HDAC9: variants seen among roughly 807,000 people sequenced by gnomAD.
HDAC9 encodes the protein histone deacetylase 9, also known as MEF-2 interacting transcription repressor (MITR) protein.
In HDAC9, 41 loss-of-function variants were observed where a neutral mutation model predicts 139.4. The observed-to-expected ratio is 0.29, with a 90% confidence interval of 0.23 to 0.38. The LOEUF is 0.38. Ranked by LOEUF, HDAC9 falls within the 10% of genes least tolerant of loss-of-function variation. The pLI is 1.00. For synonymous variants in HDAC9, 517 were observed against 476.2 expected (o/e 1.09, Z -1.12); for missense variants, 1,147 against 1,297.0 (o/e 0.88, Z 1.78).
chr7:18,188,657 A>G (rs1045226893), intron 2 of HDAC9, among the ~76,000 whole-genome samples: 4 of 152,206 alleles, frequency 2.6e-5, no homozygotes, highest in South Asian at 4.1e-4. Flanking sequence ...CAAGAAAAAG[A>G]CAACCCTATC....
exon 1 of HDAC9, chr7:18,290,495 A>C (rs1483555814): frequency 4.4e-6 from 2 of 456,640 alleles, no homozygotes; most frequent in South Asian, 1.5e-5. Flanking sequence ...TTTGGCAAAG[A>C]GGGAATGCAC....
At chr7:18,660,776 T>C (rs1337175194) in intron 11 of HDAC9, among the ~76,000 whole-genome samples, 2 of 152,096 alleles carry the variant, frequency 1.3e-5, no homozygotes, top group Non-Finnish European at 2.9e-5. Flanking sequence ...GAACAAACTC[T>C]GCATGTTTTT....
At chr7:18,454,168 T>C (rs1226053698) in intron 1 of HDAC9, among the ~76,000 whole-genome samples, 1 of 152,150 alleles carries the variant, frequency 6.6e-6, no homozygotes, top group Non-Finnish European at 1.5e-5. Context: ...CCGATACATT[T>C]ATTAATCTTA....
chr7:18,621,632 T>C (rs1457349533), intron 6 of HDAC9, among the ~76,000 whole-genome samples: 1 of 152,148 alleles, frequency 6.6e-6, no homozygotes, highest in African/African-American at 2.4e-5. Context: ...ACTTTATATA[T>C]GAATTACATA....
intron 6 of HDAC9, among the ~76,000 whole-genome samples, chr7:18,594,511 G>T (rs1831919030): frequency 6.6e-6 from 1 of 152,028 alleles, no homozygotes; most frequent in East Asian, 1.9e-4. Context: ...GCTACCTTCT[G>T]AGTAAGTGAC....
intron 2 of HDAC9, among the ~76,000 whole-genome samples, chr7:18,255,383 T>C (rs1177924794): frequency 1.3e-5 from 2 of 152,138 alleles, no homozygotes; most frequent in Non-Finnish European, 2.9e-5. Context: ...TCATTGATTC[T>C]TGGAGAATGG....
chr7:18,874,327 G>A (rs1381038081), intron 21 of HDAC9, 151 bp from the exon 22 acceptor site: 3 of 453,876 alleles, frequency 6.6e-6, no homozygotes, highest in Non-Finnish European at 8.1e-6. Context: ...TTAAGGAAAT[G>A]ATACGCTTTT....
At chr7:18,543,378 C>G (rs186971789) in intron 2 of HDAC9, 1 of 152,258 alleles carries the variant, frequency 6.6e-6, no homozygotes, top group East Asian at 1.9e-4. Flanking sequence ...CTCAACAAGC[C>G]CTGCTGCTTC....
At chr7:18,115,795 G>T (rs1292992186) in intron 1 of HDAC9, among the ~76,000 whole-genome samples, 6 of 152,162 alleles carry the variant, frequency 3.9e-5, no homozygotes, top group African/African-American at 1.4e-4. Flanking sequence ...TAAAATCCTA[G>T]AAGCTGATAC....
intron 1 of HDAC9, among the ~76,000 whole-genome samples, chr7:18,149,492 A>G (rs910531160): frequency 4.0e-5 from 6 of 150,280 alleles, no homozygotes; most frequent in African/African-American, 1.2e-4. Flanking sequence ...AGTAACTGGG[A>G]CTACAGGCAC....
chr7:18,868,778 A>G (rs967833797), intron 21 of HDAC9, among the ~76,000 whole-genome samples: 16 of 152,094 alleles, frequency 1.1e-4, no homozygotes, highest in Admixed American at 3.9e-4. Flanking sequence ...GTCCCAAGGC[A>G]GGACTCTACT....
chr7:18,847,711 G>A (rs917268072), intron 21 of HDAC9, among the ~76,000 whole-genome samples: 8 of 152,190 alleles, frequency 5.3e-5, no homozygotes, highest in Non-Finnish European at 8.8e-5. Flanking sequence ...GGTCAGCTGT[G>A]GTGTTACTGA....
In HDAC9 at chr7:18,212,654, A is replaced by G. The variant is rs572508746; in HGVS notation, c.25+50305A>G. Among the ~76,000 whole-genome samples, 3 of 152,294 alleles carry G rather than the reference A, an allele frequency of 2.0e-5. No homozygotes were observed. In the East Asian group the frequency reaches 5.8e-4, roughly 29 times the overall value. On this transcript the variant is annotated intron_variant, in intron 2 of 12. Coordinates refer to the HDAC9 transcript ENST00000417496. ...CTTGTTACGATGTATTTCCTTGATT[A>G]TTTCATAAGACAGAGGAGGCATCTT...
At chr7:18,147,482 G>A (rs1252419621) in intron 1 of HDAC9, among the ~76,000 whole-genome samples, 2 of 152,016 alleles carry the variant, frequency 1.3e-5, no homozygotes, top group Non-Finnish European at 2.9e-5. Context: ...TTGCTTGTTC[G>A]CTGGTGGACA....
At position 18,946,208 on chromosome 7, in the gene HDAC9, G is replaced by A. The variant is rs183839103; in HGVS notation, c.2938-7938G>A. 4.8e-3 allele frequency among the ~76,000 whole-genome samples: 729 copies of A among 151,884 alleles called. 1 individual carries two copies. The highest frequency in any genetic ancestry group is 7.2e-3 in the Non-Finnish European group (492 of 67,968). On this transcript the variant is annotated intron_variant, in intron 23 of 25. Coordinates refer to ENST00000686413, the MANE Select transcript of HDAC9 (RefSeq NM_178425.4). Reference sequence around the variant, plus strand: ...CTTAACTACTGTAGTTTTATAAAACGTCTTGATATCTGCTAGAACAAATCT... The same window carrying A: ...CTTAACTACTGTAGTTTTATAAAACATCTTGATATCTGCTAGAACAAATCT...
intron 2 of HDAC9, among the ~76,000 whole-genome samples, chr7:18,561,972 C>T (rs1334053296): frequency 6.6e-6 from 1 of 152,154 alleles, no homozygotes; most frequent in Non-Finnish European, 1.5e-5. Flanking sequence ...GTTTTGCTGG[C>T]TCGTAAGTAC....
chr7:18,831,649 G>GAATTC lies in HDAC9; in HGVS notation c.2466+2101_2466+2102insAATTC, dbSNP rs1795864950. 3.3e-5 allele frequency among the ~76,000 whole-genome samples: 5 copies of GAATTC among 152,238 alleles called. No homozygotes were observed. The South Asian group carries it at 1.0e-3, about 32-fold the overall frequency. Reference sequence around the variant, plus strand: ...GTCTTCCAAATTCTGCAGCTGCAGGGCTACTTTGAGGAAATTCCTGTTTCT... The same window carrying GAATTC: ...GTCTTCCAAATTCTGCAGCTGCAGGGAATTCCTACTTTGAGGAAATTCCTGTTTCT... On this transcript the variant is annotated intron_variant, in intron 19 of 25. Transcript: ENST00000686413.
At chr7:18,282,394 G>A (rs989877994) in intron 2 of HDAC9, among the ~76,000 whole-genome samples, 9 of 152,150 alleles carry the variant, frequency 5.9e-5, no homozygotes, top group African/African-American at 2.2e-4. Flanking sequence ...TATTTCTCAA[G>A]AAAATCTCAA....
intron 1 of HDAC9, among the ~76,000 whole-genome samples, chr7:18,323,357 T>G (rs1800174474): frequency 6.6e-6 from 1 of 152,180 alleles, no homozygotes; most frequent in African/African-American, 2.4e-5. Flanking sequence ...GTTGGCCCAG[T>G]TCTTGGCTTG....
Sources: allele counts gnomAD v4.1 joint callset (sites outside exome capture counted in the v4.1 genomes callset), GRCh38; gene constraint gnomAD v4.1.1; transcripts MANE v1.5; gene names NCBI Gene and HGNC (gene_info 2026-07-23, HGNC 2026-07-21).